CNTN5: variants seen among roughly 807,000 people sequenced by gnomAD.
CNTN5 encodes the protein contactin 5, also known as contactin-5.
A neutral mutation model predicts 129.1 loss-of-function variants in CNTN5; 77 were observed. The observed-to-expected ratio is 0.60, with a 90% CI of 0.50 to 0.72. The LOEUF (loss-of-function observed/expected upper bound fraction) is 0.72. Among genes scored for constraint, CNTN5 ranks in the 30% least tolerant of loss-of-function variants. The pLI is 0.00. For synonymous variants in CNTN5, 509 were observed against 465.6 expected, an observed-to-expected ratio of 1.09 and a Z score of -1.20; for missense variants, 1,478 against 1,328.8, an observed-to-expected ratio of 1.11 and a Z score of -1.75.
chr11:99,620,025 C>CAAAAAA (rs779644229), intron 3 of CNTN5, among the ~76,000 whole-genome samples: 11 of 67,910 alleles, frequency 1.6e-4, no homozygotes, highest in East Asian at 4.3e-4. Flanking sequence ...GACTCCGTCT[C>CAAAAAA]AAAAAAAAAA....
intron 1 of CNTN5, among the ~76,000 whole-genome samples, chr11:99,313,374 C>G (rs1321124793): frequency 2.0e-5 from 3 of 152,020 alleles, no homozygotes; most frequent in Non-Finnish European, 4.4e-5. Context: ...GTTATTAATA[C>G]ATTTTTATTT....
At chr11:100,278,198 G>A (rs1950557614) in intron 18 of CNTN5, among the ~76,000 whole-genome samples, 1 of 152,070 alleles carries the variant, frequency 6.6e-6, no homozygotes, top group Non-Finnish European at 1.5e-5. Context: ...GGGCCATGCT[G>A]TTTTTATCAC....
intron 8 of CNTN5, among the ~76,000 whole-genome samples, chr11:99,963,731 C>T (rs1951015613): frequency 6.6e-6 from 1 of 152,122 alleles, no homozygotes; most frequent in Admixed American, 6.6e-5. Context: ...GGCATTGAAT[C>T]TATAAATTAC....
chr11:100,226,494 C>T (rs1949379628), intron 16 of CNTN5, among the ~76,000 whole-genome samples: 1 of 152,128 alleles, frequency 6.6e-6, no homozygotes. Flanking sequence ...ATGTTCTGCT[C>T]TTTTAGCCTT....
chr11:99,982,022 T>C (rs916078747), intron 8 of CNTN5, among the ~76,000 whole-genome samples: 8 of 152,196 alleles, frequency 5.3e-5, no homozygotes, highest in African/African-American at 1.7e-4. Flanking sequence ...TCGATGTAAT[T>C]ATATACAGCT....
intron 2 of CNTN5, among the ~76,000 whole-genome samples, chr11:99,373,137 A>G (rs1020768925): frequency 6.6e-6 from 1 of 152,132 alleles, no homozygotes; most frequent in Non-Finnish European, 1.5e-5. Flanking sequence ...TGAACCCTGG[A>G]GGCCGAGGTT....
At position 99,570,945 on chromosome 11, in the gene CNTN5, T is replaced by C. The variant is rs754365267; in HGVS notation, c.55+14676T>C. On this transcript the variant is annotated intron_variant, in intron 3 of 24. Transcript: ENST00000524871. ...TCAGGCAGGCAGGGAAAGACAAATG[T>C]CAAAACCCTCAAAAGGAAACAGATA... Among the ~76,000 whole-genome samples, 3 of 151,870 alleles carry C rather than the reference T, an allele frequency of 2.0e-5. No homozygotes were observed. In the South Asian group the frequency reaches 6.2e-4, roughly 32 times the overall value.
At chr11:99,042,956 C>G (rs1864064492) in intron 1 of CNTN5, among the ~76,000 whole-genome samples, 1 of 148,580 alleles carries the variant, frequency 6.7e-6, no homozygotes, top group Non-Finnish European at 1.5e-5. Context: ...ATCTATAGCT[C>G]TCTTTGTTGT....
At chr11:99,126,633 C>T (rs1320647446) in intron 1 of CNTN5, among the ~76,000 whole-genome samples, 1 of 152,084 alleles carries the variant, frequency 6.6e-6, no homozygotes, top group Non-Finnish European at 1.5e-5. Context: ...TTTAGGGTGG[C>T]AAGTTGCTAC....
At chr11:99,418,067 T>G (rs1025170187) in intron 2 of CNTN5, among the ~76,000 whole-genome samples, 1 of 152,128 alleles carries the variant, frequency 6.6e-6, no homozygotes, top group African/African-American at 2.4e-5. Flanking sequence ...CTAATGCACT[T>G]CTCTTTTATT....
intron 3 of CNTN5, among the ~76,000 whole-genome samples, chr11:99,671,652 A>G (rs1264158213): frequency 6.6e-6 from 1 of 152,190 alleles, no homozygotes; most frequent in Admixed American, 6.5e-5. Flanking sequence ...TGCTGTCAGG[A>G]AAGTGTCTTG....
At chr11:100,020,433 T>TG (rs1941075328) in intron 9 of CNTN5, among the ~76,000 whole-genome samples, 3 of 152,090 alleles carry the variant, frequency 2.0e-5, no homozygotes, top group African/African-American at 7.2e-5. Flanking sequence ...AAATAACAGT[T>TG]AACTGTAGAT....
At chr11:100,309,219 T>G (rs952051188) in intron 21 of CNTN5, 9 of 984,858 alleles carry the variant, frequency 9.1e-6, no homozygotes, top group Non-Finnish European at 9.6e-6. Context: ...TTAAAAAAAT[T>G]TATTCTTACT....
intron 1 of CNTN5, among the ~76,000 whole-genome samples, chr11:99,166,981 C>A (rs1185506246): frequency 1.3e-5 from 2 of 151,980 alleles, no homozygotes; most frequent in Non-Finnish European, 2.9e-5. Flanking sequence ...GAATACTTAC[C>A]TTTAGAGTTA....
At chr11:99,821,074 T>A (rs1212208609) in intron 4 of CNTN5, among the ~76,000 whole-genome samples, 1 of 152,204 alleles carries the variant, frequency 6.6e-6, no homozygotes, top group African/African-American at 2.4e-5. Context: ...GTTTTTAACT[T>A]TCTATTACCT....
intron 15 of CNTN5, among the ~76,000 whole-genome samples, chr11:100,194,296 C>G (rs1050722110): frequency 6.6e-6 from 1 of 151,818 alleles, no homozygotes; most frequent in Non-Finnish European, 1.5e-5. Flanking sequence ...GGCCCCTTCC[C>G]CACATGGACT....
chr11:99,763,022 G>T (rs1944637045), intron 3 of CNTN5, among the ~76,000 whole-genome samples: 1 of 152,210 alleles, frequency 6.6e-6, no homozygotes, highest in Middle Eastern at 3.4e-3. Flanking sequence ...ATCTATGCCA[G>T]TGTTTCCTAA....
intron 16 of CNTN5, among the ~76,000 whole-genome samples, chr11:100,228,745 G>T (rs888186567): frequency 6.6e-6 from 1 of 152,102 alleles, no homozygotes. Flanking sequence ...CTCAGCCCTC[G>T]GCTGGCTCTA....
chr11:100,337,381 G>A lies in CNTN5; in HGVS notation c.2731-3082G>A, dbSNP rs1356370840. The A allele has an allele frequency of 1.9e-5, 15 of 788,206 alleles. No individual in the cohort carries two copies. In the Admixed American group the frequency reaches 2.4e-4, roughly 13 times the overall value. 48.8% of individuals were successfully genotyped at this position (788,206 alleles called of 1,614,324 possible). A position where few individuals can be genotyped will look rare whatever the true frequency, so the allele number is the denominator to read the frequency against. On this transcript the variant is annotated intron_variant, in intron 21 of 24. Coordinates refer to ENST00000524871, the MANE Select transcript of CNTN5 (RefSeq NM_014361.4). ...TCACAAAGCGAACAGCCAGCCCTCA[G>A]CAGAGAGAGCACCTATCAGCAATCC...
Sources: gnomAD v4.1 joint callset for allele counts (sites outside exome capture counted in the v4.1 genomes callset) on GRCh38, gnomAD v4.1.1 for gene constraint, MANE v1.5 for transcripts, NCBI Gene and HGNC (gene_info 2026-07-23, HGNC 2026-07-21) for gene names.